Variants in SLC9A7 observed in about 807,000 individuals in gnomAD.
SLC9A7 encodes the protein solute carrier family 9 member A7, also known as sodium/hydrogen exchanger 7.
A neutral mutation model predicts 52.6 loss-of-function variants in SLC9A7; 19 were observed. That is an observed-to-expected ratio of 0.36 (90% CI 0.25 to 0.53). SLC9A7 has a LOEUF of 0.53. Among genes scored for constraint, SLC9A7 ranks in the 20% least tolerant of loss-of-function variants. SLC9A7 has a pLI of 0.91. For missense variants in SLC9A7, 455 were observed against 597.9 expected, an observed-to-expected ratio of 0.76 and a Z score of 2.49; for synonymous variants, 226 against 252.1, an observed-to-expected ratio of 0.90 and a Z score of 0.98.
At chrX:46,676,815 T>A (rs1173407264) in intron 3 of SLC9A7, among the ~76,000 whole-genome samples, 2 of 111,240 alleles carry the variant, frequency 1.8e-5, no homozygotes, top group Non-Finnish European at 3.8e-5. Flanking sequence ...GAAAACAATA[T>A]AGTCTTTTTT....
chrX:46,615,839 G>C (rs1482388279), intron 15 of SLC9A7, among the ~76,000 whole-genome samples: 1 of 109,992 alleles, frequency 9.1e-6, no homozygotes, highest in Non-Finnish European at 1.9e-5. Flanking sequence ...TTTAGTCTGA[G>C]GCTTTTCCTT....
chrX:46,613,348 T>C lies in SLC9A7; in HGVS notation c.1870A>G (p.Thr624Ala). The C allele has an allele frequency of 8.3e-7, 1 of 1,206,918 alleles. No homozygotes were observed. The highest frequency in any genetic ancestry group is 1.1e-6 in the Non-Finnish European group (1 of 892,926). ...AGTAAGCCACACCAGGCGGGGAGCGTGGTGGTTAGTGGGGGACCACTGTGT... is the reference window on the plus strand; with the variant it reads ...AGTAAGCCACACCAGGCGGGGAGCGCGGTGGTTAGTGGGGGACCACTGTGT... ...LTHSGPPLTT[T>A]LPAWCGLLAR... Residue 624 changes from threonine (T) to alanine (A), a missense_variant, in exon 16 of 17, where the codon ACG becomes GCG. Physicochemically the swap from Thr to Ala is moderately conservative, Grantham distance 58. This residue lies in a region of SLC9A7 where 146 missense variants were observed against 160.5 expected (regional missense o/e 0.91). Transcript: ENST00000616978.
intron 5 of SLC9A7, among the ~76,000 whole-genome samples, chrX:46,663,804 A>G (rs1282160393): frequency 9.1e-6 from 1 of 110,300 alleles, no homozygotes; most frequent in Non-Finnish European, 1.9e-5. Flanking sequence ...TACTAAAAAT[A>G]CAAAATTAGC....
intron 2 of SLC9A7, among the ~76,000 whole-genome samples, chrX:46,681,947 TA>T (rs1944216463): frequency 8.9e-6 from 1 of 112,207 alleles, no homozygotes; most frequent in South Asian, 3.7e-4. Flanking sequence ...GAATACTGAA[TA>T]AATTAAGCTA....
intron 14 of SLC9A7, among the ~76,000 whole-genome samples, chrX:46,630,419 G>A (rs1943203309): frequency 1.8e-5 from 2 of 112,345 alleles, no homozygotes; most frequent in Admixed American, 9.4e-5. Context: ...GTTGCATGCT[G>A]CATCTCTCTC....
chrX:46,672,421 C>G, intron 4 of SLC9A7, 130 bp downstream of exon 4: 1 of 452,549 alleles, frequency 2.2e-6, no homozygotes, highest in East Asian at 3.6e-5. Context: ...AGCTACCATA[C>G]TGAACGGTGT....
intron 1 of SLC9A7, among the ~76,000 whole-genome samples, chrX:46,686,619 T>TG (rs1405470967): frequency 9.0e-6 from 1 of 111,440 alleles, no homozygotes; most frequent in African/African-American, 3.3e-5. Context: ...GATTTTTTTT[T>TG]GAAAGCTTCA....
chrX:46,607,547 G>A (rs774896843), intron 16 of SLC9A7, among the ~76,000 whole-genome samples: 1 of 111,494 alleles, frequency 9.0e-6, no homozygotes, highest in African/African-American at 3.3e-5. Flanking sequence ...TTGCAAATAG[G>A]TTTCAGGTAC....
At chrX:46,639,795 C>CA (rs57733200) in intron 12 of SLC9A7, among the ~76,000 whole-genome samples, 48 of 90,282 alleles carry the variant, frequency 5.3e-4, no homozygotes, top group Non-Finnish European at 8.5e-4. Context: ...AAGAATCTAC[C>CA]AAAAAAAAAA....
At position 46,686,610 on chromosome X, in the gene SLC9A7, A is replaced by T. The variant is rs771695811; in HGVS notation, c.326-4075T>A. Among the ~76,000 whole-genome samples the T allele has an allele frequency of 1.6e-4, 18 of 110,414 alleles. No homozygotes were observed. The East Asian group carries it at 4.5e-3, about 28-fold the overall frequency. On this transcript the variant is annotated intron_variant, in intron 1 of 16. Transcript: ENST00000616978. The stretch of plus-strand genomic sequence containing the variant: ...TACAAGGAATTAAAACATGCACTAG[A>T]TTTTTTTTTGAAAGCTTCAGAAAGT...
At chrX:46,725,528 C>G in intron 1 of SLC9A7, 1 of 956,263 alleles carries the variant, frequency 1.0e-6, no homozygotes, top group Non-Finnish European at 1.5e-6. Context: ...CCTTCAATGA[C>G]TGGATGGTAT....
intron 1 of SLC9A7, among the ~76,000 whole-genome samples, chrX:46,706,652 C>A (rs1944609892): frequency 9.0e-6 from 1 of 111,283 alleles, no homozygotes; most frequent in African/African-American, 3.3e-5. Flanking sequence ...AGTGTTGTTT[C>A]TTCTCTGCAT....
In SLC9A7 at chrX:46,653,486, C is replaced by T. The variant is rs762841760; in HGVS notation, c.1147+123G>A. 2.9e-4 allele frequency: 128 copies of T among 440,807 alleles called. No homozygotes were observed. In the East Asian group the frequency reaches 3.9e-3, roughly 13 times the overall value. 36.3% of individuals were successfully genotyped at this position (440,807 alleles called of 1,213,427 possible). ...TAGCCTTGCTCAGCAATCCTCCATA[C>T]GGACACTTGCTGAACAGTTAAACTC... On this transcript the variant is annotated intron_variant, in intron 8 of 16. Coordinates refer to ENST00000616978, the MANE Select transcript of SLC9A7 (RefSeq NM_001257291.2).
chrX:46,646,927 C>T (rs750956005), intron 11 of SLC9A7: 38 of 313,906 alleles, frequency 1.2e-4, no homozygotes, highest in African/African-American at 5.8e-4. Context: ...TACATACCTG[C>T]GATCTTTACT....
intron 14 of SLC9A7, among the ~76,000 whole-genome samples, chrX:46,627,979 C>T: frequency 8.9e-6 from 1 of 112,463 alleles, no homozygotes; most frequent in Non-Finnish European, 1.9e-5. Flanking sequence ...CAACAATAAA[C>T]TGCTGATTTT....
At chrX:46,743,537 C>T (rs1921522587) in intron 1 of SLC9A7, among the ~76,000 whole-genome samples, 1 of 111,500 alleles carries the variant, frequency 9.0e-6, no homozygotes. Context: ...TCTATGCAGC[C>T]CCACCCCCAA....
chrX:46,740,320 G>A (rs1921251221), intron 1 of SLC9A7, among the ~76,000 whole-genome samples: 1 of 111,477 alleles, frequency 9.0e-6, no homozygotes, highest in South Asian at 3.8e-4. Flanking sequence ...ACAAGACAAG[G>A]ATGCCCACTT....
At chrX:46,611,597 G>C (rs888700232) in intron 16 of SLC9A7, among the ~76,000 whole-genome samples, 1 of 112,772 alleles carries the variant, frequency 8.9e-6, no homozygotes, top group African/African-American at 3.2e-5. Context: ...CTGTGAAGGG[G>C]GTGAAACCCA....
rs771949221 is a variant in SLC9A7, at chrX:46,600,032, A to T, written c.*6920T>A. The T allele has an allele frequency of 8.0e-5, 9 of 112,329 alleles. No individual in the cohort carries two copies. The South Asian group carries it at 3.3e-3, about 41-fold the overall frequency. The allele number at this position is 112,329 out of a possible 1,213,427, so 9.3% of individuals were successfully genotyped here. A position where few individuals can be genotyped will look rare whatever the true frequency, so the allele number is the denominator to read the frequency against. On this transcript the variant is annotated 3_prime_UTR_variant, in exon 17 of 17. Coordinates refer to ENST00000616978, the MANE Select transcript of SLC9A7 (RefSeq NM_001257291.2). Reference sequence around the variant, plus strand: ...TGTATTTTATGTGAAAAACAAAAGGACAACTTAGGAGGAGCTGGCCCTACT... The same window carrying T: ...TGTATTTTATGTGAAAAACAAAAGGTCAACTTAGGAGGAGCTGGCCCTACT...
Sources: allele counts gnomAD v4.1 joint callset (sites outside exome capture counted in the v4.1 genomes callset), GRCh38; gene constraint gnomAD v4.1.1; regional missense constraint gnomAD v4.1.1; transcripts MANE v1.5; gene names NCBI Gene and HGNC (gene_info 2026-07-23, HGNC 2026-07-21).